The following SLIT1 variants were observed in gnomAD, a reference collection of about 807,000 sequenced individuals.
SLIT1 encodes slit guidance ligand 1.
Under a neutral mutation model 186.1 loss-of-function variants are expected in SLIT1, and 66 were observed. The ratio of observed to expected loss-of-function variants is 0.35; its 90% CI spans 0.29 to 0.44. The LOEUF (loss-of-function observed/expected upper bound fraction) is 0.44. Ranked by LOEUF, SLIT1 falls within the 20% of genes least tolerant of loss-of-function variation. SLIT1 has a pLI of 1.00. For missense variants in SLIT1, 1,638 were observed against 2,037.4 expected, an observed-to-expected ratio of 0.80 and a Z score of 3.77; for synonymous variants, 761 against 833.8, an observed-to-expected ratio of 0.91 and a Z score of 1.50.
intron 4 of SLIT1, among the ~76,000 whole-genome samples, chr10:97,127,311 T>G (rs1849613787): frequency 6.6e-6 from 1 of 151,122 alleles, no homozygotes. Flanking sequence ...GTTTTGAAGT[T>G]GGTTTCCAGT....
Position 97,043,501 on chromosome 10 carries a change from G to T in SLIT1, c.1866C>A (p.Asn622Lys). 1 of 1,613,496 alleles carries T rather than the reference G, an allele frequency of 6.2e-7. No homozygotes were observed. Among genetic ancestry groups the T allele is most frequent in the South Asian group, 1.1e-5 (1 of 91,040 alleles). The change falls in exon 19 of 37, where the codon AAC (asparagine) becomes AAA (lysine). Residue 622 changes from asparagine to lysine, a missense_variant. Asn to Lys is a moderately conservative substitution (Grantham distance 94, BLOSUM62 0). This residue lies in a region of SLIT1 where 1,245 missense variants were observed against 1,535.3 expected (regional missense o/e 0.81). Transcript: ENST00000266058. The surrounding 1 kb of genome is among the most constrained non-coding windows in gnomAD (Gnocchi z 7.0). ...CGTTGTGGATGCAGCTGATGCGGTT[G>T]TTCCGCAGCATTCTGGGGAGGAACG... Reference protein sequence around the residue: ...LDGLRTLMLRNNRISCIHNDS... With the variant: ...LDGLRTLMLRKNRISCIHNDS...
At chr10:97,141,825 C>T (rs747974089) in intron 4 of SLIT1, among the ~76,000 whole-genome samples, 19 of 151,714 alleles carry the variant, frequency 1.3e-4, no homozygotes, top group Admixed American at 3.9e-4. Flanking sequence ...CAGGGTCTCA[C>T]TAAGTCATGC....
At chr10:97,156,728 C>A (rs1439260677) in intron 4 of SLIT1, among the ~76,000 whole-genome samples, 2 of 152,228 alleles carry the variant, frequency 1.3e-5, no homozygotes, top group East Asian at 3.9e-4. Flanking sequence ...ACTCTAGGAG[C>A]CCATGGTCAG....
intron 14 of SLIT1, 86 bp downstream of exon 14, chr10:97,048,869 A>AGGC: frequency 7.2e-7 from 1 of 1,393,380 alleles, no homozygotes; most frequent in Admixed American, 1.7e-5. Flanking sequence ...GCAGGTGGGC[A>AGGC]GGTATGCAGG....
At chr10:97,015,316 C>G (rs934644973) in intron 28 of SLIT1, among the ~76,000 whole-genome samples, 1 of 152,166 alleles carries the variant, frequency 6.6e-6, no homozygotes, top group Non-Finnish European at 1.5e-5. Flanking sequence ...TAAATGCAAT[C>G]TAAGTCAAGA....
Position 97,185,466 on chromosome 10 carries a change from G to T in SLIT1, c.197+12C>A, listed in dbSNP as rs1465453549. The stretch of plus-strand genomic sequence containing the variant: ...TCGGAGCCAGGGAGCCAGGGGCGGG[G>T]ACCATACTCACAGGCGCTCGGTGTT... On this transcript the variant is annotated intron_variant, in intron 1 of 36. Coordinates refer to ENST00000266058, the MANE Select transcript of SLIT1 (RefSeq NM_003061.3). 1.2e-6 allele frequency: 2 copies of T among 1,609,750 alleles called. No individual in the cohort carries two copies. Among genetic ancestry groups the T allele is most frequent in the Non-Finnish European group, 1.7e-6 (2 of 1,178,514 alleles).
chr10:97,056,506 G>A (rs200022674), intron 12 of SLIT1, 42 bp from the exon 13 acceptor site: 153 of 1,604,506 alleles, frequency 9.5e-5, no homozygotes, highest in Non-Finnish European at 1.2e-4. Context: ...AGAGAGGCTC[G>A]ACCTGAGACC....
intron 23 of SLIT1, 89 bp downstream of exon 23, chr10:97,034,382 A>G (rs1472048924): frequency 1.1e-6 from 1 of 932,224 alleles, no homozygotes; most frequent in Non-Finnish European, 1.8e-6. Context: ...CAGGCGAGGG[A>G]TCTGGGAGCA....
chr10:97,111,993 T>C (rs1199779905), intron 4 of SLIT1, among the ~76,000 whole-genome samples: 1 of 152,228 alleles, frequency 6.6e-6, no homozygotes, highest in African/African-American at 2.4e-5. Context: ...ATGTCCTGGC[T>C]GAACGTGCCG....
At position 97,037,757 on chromosome 10, in the gene SLIT1, G is replaced by C; in HGVS notation, c.2307C>G (p.Asp769Glu). ...CCGGAACCAGCGTGAACTGGTTCCC[G>C]TCCAAATAGCTGCAGAGAGAACACA... ...IPKNVTELYL[D>E]GNQFTLVPGQ... Residue 769 changes from aspartate to glutamate, a missense_variant, in exon 22 of 37, where the codon GAC (aspartate) becomes GAG (glutamate). Asp to Glu is a conservative substitution (Grantham distance 45). Around this residue, in one of 3 missense-constraint regions of SLIT1, gnomAD observed 1,245 missense variants for 1,535.3 expected, o/e 0.81. Transcript: ENST00000266058. 6.2e-7 allele frequency: 1 copy of C among 1,606,262 alleles called. No individual in the cohort carries two copies. Among genetic ancestry groups the C allele is most frequent in the South Asian group, 1.1e-5 (1 of 90,576 alleles).
rs992928754 is a variant in SLIT1, at chr10:97,158,596, A to G, written c.342-707T>C. Reference sequence around the variant, plus strand: ...AGAATCGCTTGAACTCAGGAGACGGAGGTTGCAGTGAGCCAAGATTGCACC... The same window carrying G: ...AGAATCGCTTGAACTCAGGAGACGGGGGTTGCAGTGAGCCAAGATTGCACC... On this transcript the variant is annotated intron_variant, in intron 3 of 36. Coordinates refer to ENST00000266058, the MANE Select transcript of SLIT1 (RefSeq NM_003061.3). Among the ~76,000 whole-genome samples the G allele has an allele frequency of 2.7e-5, 4 of 145,768 alleles. No individual in the cohort carries two copies. The Admixed American group carries it at 2.8e-4, about 10-fold the overall frequency.
chr10:97,131,533 G>A (rs188549474), intron 4 of SLIT1, among the ~76,000 whole-genome samples: 5 of 152,264 alleles, frequency 3.3e-5, no homozygotes, highest in East Asian at 3.9e-4. Flanking sequence ...TTGACACCCC[G>A]CTACCAGCCA....
chr10:97,133,280 C>T (rs1214751389), intron 4 of SLIT1, among the ~76,000 whole-genome samples: 2 of 152,210 alleles, frequency 1.3e-5, no homozygotes, highest in African/African-American at 4.8e-5. Flanking sequence ...GGGCCAGGCG[C>T]GGTGGCTCAC....
intron 4 of SLIT1, among the ~76,000 whole-genome samples, chr10:97,142,460 C>T (rs1261688344): frequency 1.3e-5 from 2 of 152,142 alleles, no homozygotes; most frequent in African/African-American, 2.4e-5. Context: ...ATACCATATA[C>T]AAAAATTAAT....
At chr10:97,100,744 A>G (rs1271736103) in intron 4 of SLIT1, among the ~76,000 whole-genome samples, 1 of 152,222 alleles carries the variant, frequency 6.6e-6, no homozygotes, top group Non-Finnish European at 1.5e-5. Context: ...CACATCGGCA[A>G]TTTTAAGGCA....
At chr10:97,076,174 G>A (rs530244127) in intron 4 of SLIT1, among the ~76,000 whole-genome samples, 1 of 152,302 alleles carries the variant, frequency 6.6e-6, no homozygotes, top group South Asian at 2.1e-4. Flanking sequence ...TGAGGAGCAG[G>A]TGTGGGGCTC....
In SLIT1 at chr10:97,171,434, C is replaced by G. The variant is rs2134737311; in HGVS notation, c.198-6544G>C. On this transcript the variant is annotated intron_variant, in intron 1 of 36. Transcript: ENST00000266058. ...CTCCAATCTGCTCTCCAAGCCACAGCCAGAGTGGTCTTTTCAAGATGCAAA... is the reference window on the plus strand; with the variant it reads ...CTCCAATCTGCTCTCCAAGCCACAGGCAGAGTGGTCTTTTCAAGATGCAAA... Among the ~76,000 whole-genome samples the G allele has an allele frequency of 3.3e-5, 5 of 152,308 alleles. 1 individual carries two copies. Among genetic ancestry groups the G allele is most frequent in the Admixed American group, 3.3e-4 (5 of 15,298 alleles).
At chr10:97,117,423 G>A (rs1849519154) in intron 4 of SLIT1, among the ~76,000 whole-genome samples, 2 of 152,170 alleles carry the variant, frequency 1.3e-5, no homozygotes, top group Admixed American at 1.3e-4. Context: ...ATATTTGCTT[G>A]ATGTTTGCTT....
intron 11 of SLIT1, chr10:97,057,834 CAAA>C (rs1177734165): frequency 5.4e-6 from 3 of 552,040 alleles, no homozygotes; most frequent in Non-Finnish European, 6.6e-6. Context: ...AACAAAAGTT[CAAA>C]AAAACACATG....
Sources: gnomAD v4.1 joint callset for allele counts (sites outside exome capture counted in the v4.1 genomes callset) on GRCh38, gnomAD v4.1.1 for gene constraint, gnomAD v4.1.1 regional missense constraint, Gnocchi (gnomAD v3.1) non-coding constraint, MANE v1.5 for transcripts, NCBI Gene and HGNC (gene_info 2026-07-23, HGNC 2026-07-21) for gene names.